Variants in IDUA observed in about 807,000 individuals in gnomAD.
IDUA encodes the protein iduronidase alpha-L-.
In IDUA, 65 loss-of-function variants were observed where a neutral mutation model predicts 68.9. That is an observed-to-expected ratio of 0.94 (90% CI 0.77 to 1.16). The LOEUF (loss-of-function observed/expected upper bound fraction) is 1.16, where lower values mean the gene tolerates loss of function less well. Among genes scored for constraint, IDUA ranks in the 50% most tolerant of loss-of-function variants. IDUA has a pLI of 0.00. For missense variants in IDUA, 1,046 were observed against 938.0 expected (o/e 1.12, Z -1.50); for synonymous variants, 529 against 433.6 (o/e 1.22, Z -2.73).
At chr4:988,002 T>C in intron 2 of IDUA, 53 bp downstream of exon 2, 1 of 1,521,666 alleles carries the variant, frequency 6.6e-7, no homozygotes, top group Non-Finnish European at 8.9e-7. Context: ...GAGGCACAGA[T>C]GGGAGGGGAG....
intron 2 of IDUA, chr4:988,645 T>G: frequency 7.2e-7 from 1 of 1,394,040 alleles, no homozygotes; most frequent in South Asian, 1.7e-5. Flanking sequence ...TTCTGAGTGT[T>G]TGGGTCCTGC....
At chr4:998,691 C>T (rs546796410) in intron 2 of IDUA, among the ~76,000 whole-genome samples, 6 of 152,302 alleles carry the variant, frequency 3.9e-5, no homozygotes, top group East Asian at 1.9e-4. Flanking sequence ...TCCAACTCCA[C>T]ATGGCCAAAA....
At chr4:991,481 A>G (rs752548996) in intron 2 of IDUA, 1 of 1,611,194 alleles carries the variant, frequency 6.2e-7, no homozygotes, top group Non-Finnish European at 8.5e-7. Context: ...ACCAGCCCAG[A>G]CATGACGTCG....
chr4:1,002,930 T>C lies in IDUA; in HGVS notation c.1388T>C (p.Val463Ala). 7.4e-7 allele frequency: 1 copy of C among 1,359,624 alleles called. No individual in the cohort carries two copies. The highest frequency in any genetic ancestry group is 2.3e-4 in the Middle Eastern group (1 of 4,290). The allele number at this position is 1,359,624 out of a possible 1,614,324, so 84.2% of individuals were successfully genotyped here. ...SVAVTLRLRG[V>A]PPGPGLVYVT... ...GCGGTGACCCTGCGGCTGCGCGGGGTGCCCCCCGGCCCGGGTAAGCCGGGG... is the reference window on the plus strand; with the variant it reads ...GCGGTGACCCTGCGGCTGCGCGGGGCGCCCCCCGGCCCGGGTAAGCCGGGG... Residue 463 changes from valine (V) to alanine (A), a missense_variant, in exon 9 of 14, where the codon GTG (valine) becomes GCG (alanine). Transcript: ENST00000514224.
At position 1,004,043 on chromosome 4, in the gene IDUA, C is replaced by G; in HGVS notation, c.1759C>G (p.Gln587Glu). 2 of 1,612,300 alleles carry G rather than the reference C, an allele frequency of 1.2e-6. No homozygotes were observed. Among genetic ancestry groups the G allele is most frequent in the Non-Finnish European group, 1.7e-6 (2 of 1,179,660 alleles). The part of the protein sequence containing the change: ...CLWTYEIQFS[Q>E]DGKAYTPVSR... ...GTGGACATACGAGATCCAGTTCTCT[C>G]AGGACGGTAAGGCGTACACCCCGGT... is the stretch of plus-strand genomic sequence containing the variant. Residue 587 changes from glutamine (Q) to glutamate (E), a missense_variant, in exon 13 of 14, where the codon CAG becomes GAG. Physicochemically the swap from Gln to Glu is conservative, Grantham distance 29 (BLOSUM62 2). Coordinates refer to ENST00000514224, the MANE Select transcript of IDUA (RefSeq NM_000203.5). The surrounding 1 kb of genome is among the most constrained non-coding windows in gnomAD (Gnocchi z 5.0).
At position 1,002,036 on chromosome 4, in the gene IDUA, A is replaced by G; in HGVS notation, c.847A>G (p.Ile283Val). ...GCAGGAGAAGGTCGTCGCGCAGCAG[A>G]TCCGGCAGCTCTTCCCCAAGTTCGC... ...LEQEKVVAQQ[I>V]RQLFPKFADT... The change falls in exon 7 of 14, where the codon ATC becomes GTC. Residue 283 changes from isoleucine to valine, a missense_variant. By Grantham distance (29) the Ile-to-Val change is conservative. Coordinates refer to ENST00000514224, the MANE Select transcript of IDUA (RefSeq NM_000203.5). The G allele has an allele frequency of 6.3e-7, 1 of 1,598,532 alleles. No individual in the cohort carries two copies. The highest frequency in any genetic ancestry group is 8.5e-7 in the Non-Finnish European group (1 of 1,174,268).
In IDUA at chr4:1,004,269, C is replaced by T. The variant is rs780813368; in HGVS notation, c.1838C>T (p.Ala613Val). ...NLFVFSPDTG[A>V]VSGSYRVRAL... ...GTCCCCTTGTCTCCAGACACAGGTG[C>T]TGTCTCTGGCTCCTACCGAGTTCGA... The change falls in exon 14 of 14, where the codon GCT (alanine) becomes GTT (valine). Residue 613 changes from alanine (A) to valine (V), a missense_variant. Coordinates refer to ENST00000514224, the MANE Select transcript of IDUA (RefSeq NM_000203.5). The surrounding 1 kb of genome is among the most constrained non-coding windows in gnomAD (Gnocchi z 5.0). The T allele has an allele frequency of 4.3e-6, 7 of 1,610,158 alleles. No homozygotes were observed. The highest frequency in any genetic ancestry group is 5.9e-6 in the Non-Finnish European group (7 of 1,179,964).
chr4:993,708 G>A (rs1714547034), intron 2 of IDUA, among the ~76,000 whole-genome samples: 1 of 152,150 alleles, frequency 6.6e-6, no homozygotes, highest in African/African-American at 2.4e-5. Context: ...GGGGTCTGGG[G>A]TCGAGTGCAG....
At chr4:1,001,010 G>A in intron 4 of IDUA, 21 bp downstream of exon 4, 1 of 1,572,146 alleles carries the variant, frequency 6.4e-7, no homozygotes, top group Non-Finnish European at 8.7e-7. Flanking sequence ...GCAGGCCCTG[G>A]GGCCCTGGCC....
At chr4:1,001,221 G>T in intron 4 of IDUA, 1 of 620,898 alleles carries the variant, frequency 1.6e-6, no homozygotes, top group South Asian at 1.9e-5. Flanking sequence ...CTGGGCCCCT[G>T]GGGTGGGGGG....
intron 2 of IDUA, chr4:992,175 C>T (rs1404402657): frequency 1.5e-5 from 7 of 463,224 alleles, no homozygotes; most frequent in Non-Finnish European, 8.6e-6. Flanking sequence ...TCACTGGACA[C>T]AGGTGCAGGC....
chr4:1,004,450 G>GCAC lies in IDUA; in HGVS notation c.*58_*60dup. 1 of 1,575,038 alleles carries GCAC rather than the reference G, an allele frequency of 6.3e-7. No homozygotes were observed. Among genetic ancestry groups the GCAC allele is most frequent in the Admixed American group, 1.7e-5 (1 of 59,784 alleles). On this transcript the variant is annotated 3_prime_UTR_variant, in exon 14 of 14. Transcript: ENST00000514224. This position sits in a 1 kb window ranked among gnomAD's most constrained non-coding sequence, Gnocchi z 5.0. ...CACCGGCAGTCAGCGAGCTGGGGCT[G>GCAC]CACTGTGCCCATGCTGCCCTCCCAT... is the stretch of plus-strand genomic sequence containing the variant.
chr4:994,163 G>A (rs1714583596), intron 2 of IDUA, among the ~76,000 whole-genome samples: 1 of 152,228 alleles, frequency 6.6e-6, no homozygotes, highest in Non-Finnish European at 1.5e-5. Flanking sequence ...TTATTAGCCA[G>A]GCACGATGGT....
chr4:990,388 G>A (rs1469364767), intron 2 of IDUA: 9 of 1,553,026 alleles, frequency 5.8e-6, no homozygotes, highest in Non-Finnish European at 7.8e-6. Flanking sequence ...GGTCAGGCCA[G>A]CAGGCGCCTG....
intron 2 of IDUA, chr4:989,690 C>G (rs753947733): frequency 6.4e-7 from 1 of 1,563,516 alleles, no homozygotes; most frequent in East Asian, 2.4e-5. Flanking sequence ...GCGCTGACCA[C>G]GCTGGACAGC....
chr4:992,220 T>C, intron 2 of IDUA: 1 of 457,604 alleles, frequency 2.2e-6, no homozygotes, highest in Non-Finnish European at 4.4e-6. Context: ...TCCACCTCCC[T>C]GGCTCCCCAG....
chr4:997,626 T>C (rs1405389448), intron 2 of IDUA, among the ~76,000 whole-genome samples: 2 of 151,934 alleles, frequency 1.3e-5, no homozygotes, highest in African/African-American at 4.8e-5. Flanking sequence ...GCGGCTTCCG[T>C]TCCCGGGCTG....
chr4:1,003,469 AG>A lies in IDUA; in HGVS notation c.1650+1del. 1 of 1,569,148 alleles carries A rather than the reference AG, an allele frequency of 6.4e-7. No homozygotes were observed. The highest frequency in any genetic ancestry group is 8.6e-7 in the Non-Finnish European group (1 of 1,164,238). ...GCGCGCCCCGAGAAGCCGCCCGGGC[AG>A]GCAAGTGGCAGTCCCCTAACCCGCG... is the stretch of plus-strand genomic sequence containing the variant. Reference protein sequence around the residue: ...VCARPEKPPGQVTRLRALPLT... With the variant: ...VCARPEKPPGXVTRLRALPLT... On this transcript the variant is annotated frameshift_variant and splice_region_variant, in exon 11 of 14. Transcript: ENST00000514224. LOFTEE classifies it high-confidence loss of function.
intron 4 of IDUA, 141 bp from the exon 5 acceptor site, chr4:1,001,327 G>T (rs945470925): frequency 1.6e-5 from 13 of 807,694 alleles, no homozygotes; most frequent in Middle Eastern, 2.7e-4. Flanking sequence ...AGCGCTTCCT[G>T]ATGTGGGGCG....
Sources: gnomAD v4.1 joint callset for allele counts (sites outside exome capture counted in the v4.1 genomes callset) on GRCh38, gnomAD v4.1.1 for gene constraint, Gnocchi (gnomAD v3.1) non-coding constraint, MANE v1.5 for transcripts, NCBI Gene and HGNC (gene_info 2026-07-23, HGNC 2026-07-21) for gene names.